Variants in BTBD10 observed in about 807,000 individuals in gnomAD.
The protein encoded by BTBD10 is BTB/POZ domain-containing protein 10.
A neutral mutation model predicts 53.2 loss-of-function variants in BTBD10; 21 were observed. That is an observed-to-expected ratio of 0.39 (90% CI 0.28 to 0.57). The LOEUF (loss-of-function observed/expected upper bound fraction) is 0.57. Among genes scored for constraint, BTBD10 ranks in the 20% least tolerant of loss-of-function variants. The probability of loss-of-function intolerance (pLI) is 0.53; values close to 1 mark genes in which losing one functional copy is unlikely to be tolerated. For synonymous variants in BTBD10, 149 were observed against 192.7 expected (o/e 0.77, Z 1.88); for missense variants, 360 against 594.7 (o/e 0.61, Z 4.10).
intron 6 of BTBD10, among the ~76,000 whole-genome samples, chr11:13,413,177 T>C (rs1174514043): frequency 2.6e-5 from 4 of 152,182 alleles, no homozygotes; most frequent in Non-Finnish European, 5.9e-5. Context: ...TTATAAATTT[T>C]TGGATGATGT....
At chr11:13,391,770 C>T (rs974473625) in intron 8 of BTBD10, among the ~76,000 whole-genome samples, 5 of 152,180 alleles carry the variant, frequency 3.3e-5, no homozygotes, top group African/African-American at 1.2e-4. Flanking sequence ...ATGGTGAAAC[C>T]CCATCTCTAC....
In BTBD10 at chr11:13,463,191, G is replaced by A. The variant is rs991512294; in HGVS notation, c.-157C>T. The stretch of plus-strand genomic sequence containing the variant: ...CCTCCTCAGCCAGATCCCTCCGGAG[G>A]TGGCTGTGGAGGAAGCCACTGAGGC... On this transcript the variant is annotated 5_prime_UTR_variant, in exon 1 of 9. Coordinates refer to ENST00000278174, the MANE Select transcript of BTBD10 (RefSeq NM_032320.7). The A allele has an allele frequency of 1.1e-4, 17 of 152,364 alleles. No homozygotes were observed. Among genetic ancestry groups the A allele is most frequent in the African/African-American group, 3.9e-4 (16 of 41,550 alleles). 9.4% of individuals were successfully genotyped at this position (152,364 alleles called of 1,614,324 possible). A position where few individuals can be genotyped will look rare whatever the true frequency, so the allele number is the denominator to read the frequency against.
chr11:13,422,065 A>T (rs1950252030), intron 2 of BTBD10, among the ~76,000 whole-genome samples: 1 of 152,232 alleles, frequency 6.6e-6, no homozygotes, highest in African/African-American at 2.4e-5. Flanking sequence ...TGAACGAGAA[A>T]ACTAAAGCTT....
chr11:13,415,925 G>C (rs955442649), intron 5 of BTBD10, among the ~76,000 whole-genome samples: 1 of 151,202 alleles, frequency 6.6e-6, no homozygotes, highest in Non-Finnish European at 1.5e-5. Flanking sequence ...TAGCGTGCTG[G>C]GATTATAGGC....
chr11:13,454,200 A>T (rs1364956153), intron 1 of BTBD10, among the ~76,000 whole-genome samples: 1 of 152,198 alleles, frequency 6.6e-6, no homozygotes. Context: ...ATATACCTGT[A>T]CTCATGTTTT....
intron 6 of BTBD10, 64 bp downstream of exon 6, chr11:13,413,466 C>G (rs1950012129): frequency 1.4e-6 from 2 of 1,426,318 alleles, no homozygotes; most frequent in African/African-American, 1.4e-5. Flanking sequence ...GCACTAATTT[C>G]AGGCTTTTTG....
At chr11:13,459,149 C>T (rs1226752424) in intron 1 of BTBD10, among the ~76,000 whole-genome samples, 8 of 149,678 alleles carry the variant, frequency 5.3e-5, no homozygotes, top group Non-Finnish European at 1.0e-4. Context: ...CTCCGCCTCC[C>T]GGGTTCACGC....
chr11:13,393,249 A>C (rs965514258), intron 8 of BTBD10, among the ~76,000 whole-genome samples: 1 of 152,198 alleles, frequency 6.6e-6, no homozygotes, highest in Non-Finnish European at 1.5e-5. Flanking sequence ...CACAGAGCTA[A>C]AATTATTTTT....
At chr11:13,393,520 G>T (rs771248096) in intron 8 of BTBD10, among the ~76,000 whole-genome samples, 1 of 151,948 alleles carries the variant, frequency 6.6e-6, no homozygotes, top group Admixed American at 6.6e-5. Context: ...CTTCTGCTGG[G>T]GTTATGACTA....
intron 1 of BTBD10, among the ~76,000 whole-genome samples, chr11:13,447,352 G>A (rs1414747860): frequency 1.3e-5 from 2 of 152,020 alleles, no homozygotes; most frequent in African/African-American, 4.8e-5. Context: ...CAACTCCTGG[G>A]CTCAAATGAT....
intron 5 of BTBD10, among the ~76,000 whole-genome samples, chr11:13,416,115 G>GC (rs1950102644): frequency 6.6e-6 from 1 of 151,940 alleles, no homozygotes; most frequent in African/African-American, 2.4e-5. Context: ...ACTTTGGGAG[G>GC]CCAAGGCAGG....
chr11:13,417,469 G>A (rs1950141965), intron 4 of BTBD10, among the ~76,000 whole-genome samples: 2 of 151,992 alleles, frequency 1.3e-5, no homozygotes, highest in African/African-American at 2.4e-5. Flanking sequence ...TAGATTTCCT[G>A]TAAGCAACAA....
intron 1 of BTBD10, among the ~76,000 whole-genome samples, chr11:13,447,146 A>G (rs1591167356): frequency 6.6e-6 from 1 of 151,652 alleles, no homozygotes; most frequent in East Asian, 1.9e-4. Context: ...CTTTCTCTTT[A>G]TCTCTCCTCT....
chr11:13,396,520 A>G (rs936184838), intron 8 of BTBD10, among the ~76,000 whole-genome samples: 3 of 152,178 alleles, frequency 2.0e-5, no homozygotes, highest in Non-Finnish European at 4.4e-5. Flanking sequence ...TTCCTAACTG[A>G]ATACCCTTTA....
chr11:13,413,218 T>C (rs1403730543), intron 6 of BTBD10, among the ~76,000 whole-genome samples: 1 of 152,116 alleles, frequency 6.6e-6, no homozygotes, highest in Non-Finnish European at 1.5e-5. Flanking sequence ...ATGACCACAC[T>C]TGACCAAAGC....
intron 1 of BTBD10, among the ~76,000 whole-genome samples, chr11:13,452,574 C>T (rs905308303): frequency 2.6e-5 from 4 of 152,226 alleles, no homozygotes; most frequent in Admixed American, 2.0e-4. Context: ...TGTCTCATTA[C>T]CATAGCAAGC....
intron 8 of BTBD10, among the ~76,000 whole-genome samples, chr11:13,394,944 G>A (rs960943676): frequency 6.6e-6 from 1 of 151,364 alleles, no homozygotes; most frequent in East Asian, 1.9e-4. Flanking sequence ...GTCTATCATT[G>A]TTGGACATTT....
intron 2 of BTBD10, among the ~76,000 whole-genome samples, chr11:13,433,549 G>A (rs1356338533): frequency 6.6e-6 from 1 of 151,978 alleles, no homozygotes; most frequent in Non-Finnish European, 1.5e-5. Flanking sequence ...ATATATTTTT[G>A]AAGCAACTGA....
chr11:13,420,507 C>T (rs919652498), intron 3 of BTBD10, among the ~76,000 whole-genome samples: 1 of 151,766 alleles, frequency 6.6e-6, no homozygotes, highest in Non-Finnish European at 1.5e-5. Context: ...TTCTAATAGT[C>T]TACAAAAGAA....
Sources: gnomAD v4.1 joint callset for allele counts (sites outside exome capture counted in the v4.1 genomes callset) on GRCh38, gnomAD v4.1.1 for gene constraint, MANE v1.5 for transcripts, NCBI Gene and HGNC (gene_info 2026-07-23, HGNC 2026-07-21) for gene names.